Variants in CTNNA3 observed in about 807,000 individuals in gnomAD.
CTNNA3 encodes catenin alpha-3.
In CTNNA3, 76 loss-of-function variants were observed where a neutral mutation model predicts 95.7. That is an observed-to-expected ratio of 0.79 (90% CI 0.66 to 0.96). The LOEUF is 0.96. Ranked by LOEUF, CTNNA3 falls within the 40% of genes least tolerant of loss-of-function variation. The pLI, the probability that CTNNA3 is intolerant of heterozygous loss-of-function variation, is 0.00. For missense variants in CTNNA3, 1,191 were observed against 1,089.8 expected, an observed-to-expected ratio of 1.09 and a Z score of -1.31; for synonymous variants, 431 against 374.4, an observed-to-expected ratio of 1.15 and a Z score of -1.74.
At chr10:66,343,377 T>C (rs2092472640) in intron 12 of CTNNA3, among the ~76,000 whole-genome samples, 1 of 152,038 alleles carries the variant, frequency 6.6e-6, no homozygotes. Context: ...ATATACACAA[T>C]GGAATACTAT....
intron 10 of CTNNA3, among the ~76,000 whole-genome samples, chr10:66,582,191 T>C (rs992735816): frequency 1.3e-5 from 2 of 151,932 alleles, no homozygotes; most frequent in Non-Finnish European, 1.5e-5. Flanking sequence ...ATAGTGTTGG[T>C]AATTTGATAG....
intron 17 of CTNNA3, among the ~76,000 whole-genome samples, chr10:65,947,605 T>C (rs1165343355): frequency 6.6e-6 from 1 of 152,156 alleles, no homozygotes; most frequent in Non-Finnish European, 1.5e-5. Context: ...TTAGTGAGAT[T>C]CCAGAAAGTA....
Position 66,595,182 on chromosome 10 carries a change from G to A in CTNNA3, c.1374+26510C>T, listed in dbSNP as rs188636666. ...AACGACAACAACAACCAAAATCCAA[G>A]AATAGACGCATTAAAAAGCACAAGA... On this transcript the variant is annotated intron_variant, in intron 10 of 17. Coordinates refer to ENST00000433211, the MANE Select transcript of CTNNA3 (RefSeq NM_013266.4). 3.4e-3 allele frequency among the ~76,000 whole-genome samples: 509 copies of A among 151,902 alleles called. 6 individuals are homozygous for A. Among genetic ancestry groups the A allele is most frequent in the African/African-American group, 0.012 (498 of 41,410 alleles).
intron 5 of CTNNA3, among the ~76,000 whole-genome samples, chr10:67,268,802 A>G (rs899194663): frequency 1.3e-5 from 2 of 152,232 alleles, no homozygotes; most frequent in African/African-American, 2.4e-5. Context: ...TATGCAAATG[A>G]CATTGCCCTA....
At chr10:67,082,794 G>T (rs1421756413) in intron 7 of CTNNA3, among the ~76,000 whole-genome samples, 2 of 152,218 alleles carry the variant, frequency 1.3e-5, no homozygotes, top group Non-Finnish European at 2.9e-5. Context: ...CTAAGGATTA[G>T]ATATCAGTCA....
chr10:66,358,001 T>C (rs2092624302), intron 12 of CTNNA3, among the ~76,000 whole-genome samples: 1 of 152,208 alleles, frequency 6.6e-6, no homozygotes, highest in African/African-American at 2.4e-5. Flanking sequence ...AAGCACTTGG[T>C]TCATTTCATC....
intron 7 of CTNNA3, among the ~76,000 whole-genome samples, chr10:67,033,769 G>A (rs906974282): frequency 1.3e-5 from 2 of 151,938 alleles, no homozygotes; most frequent in African/African-American, 2.4e-5. Flanking sequence ...TTACTGTATA[G>A]TGTTTCTTTT....
chr10:65,991,533 G>A (rs755478606), intron 15 of CTNNA3, among the ~76,000 whole-genome samples: 16 of 151,500 alleles, frequency 1.1e-4, no homozygotes, highest in Admixed American at 6.6e-4. Context: ...AAATGGGATT[G>A]CCTCTTGATT....
chr10:66,865,989 C>T (rs1844159698), intron 7 of CTNNA3, among the ~76,000 whole-genome samples: 1 of 152,060 alleles, frequency 6.6e-6, no homozygotes. Flanking sequence ...TATCTATACT[C>T]TTAATTGCCT....
intron 3 of CTNNA3, among the ~76,000 whole-genome samples, chr10:67,556,950 C>T (rs892511296): frequency 6.6e-6 from 1 of 152,160 alleles, no homozygotes; most frequent in Non-Finnish European, 1.5e-5. Context: ...TTCTGGTATG[C>T]TGTGTCTTTG....
chr10:67,112,377 T>C (rs956021483), intron 7 of CTNNA3, among the ~76,000 whole-genome samples: 2 of 152,152 alleles, frequency 1.3e-5, no homozygotes, highest in Admixed American at 1.3e-4. Flanking sequence ...GTGGAATTTA[T>C]CCATATCTTA....
chr10:66,632,561 A>G (rs1320151777), intron 9 of CTNNA3, among the ~76,000 whole-genome samples: 1 of 111,670 alleles, frequency 9.0e-6, no homozygotes, highest in East Asian at 2.1e-4. Flanking sequence ...ATCTCAAAAA[A>G]AAAAAAAAAA....
intron 9 of CTNNA3, among the ~76,000 whole-genome samples, chr10:66,739,974 C>T (rs990315511): frequency 3.9e-5 from 6 of 152,132 alleles, no homozygotes; most frequent in South Asian, 2.1e-4. Flanking sequence ...ACATTAAGCA[C>T]GTGCAAGATA....
intron 9 of CTNNA3, among the ~76,000 whole-genome samples, chr10:66,689,082 G>C (rs1188192797): frequency 7.4e-6 from 1 of 135,554 alleles, no homozygotes; most frequent in Non-Finnish European, 1.6e-5. Context: ...GTGTGTGTAT[G>C]TGTGCACGTG....
chr10:66,021,859 T>A (rs1407722435), intron 15 of CTNNA3, among the ~76,000 whole-genome samples: 1 of 135,458 alleles, frequency 7.4e-6, no homozygotes, highest in Non-Finnish European at 1.6e-5. Flanking sequence ...TGGCTTTTTT[T>A]TTTTTTTTTA....
At chr10:66,844,341 T>G (rs1843175377) in intron 7 of CTNNA3, among the ~76,000 whole-genome samples, 1 of 152,206 alleles carries the variant, frequency 6.6e-6, no homozygotes, top group South Asian at 2.1e-4. Context: ...TGTATCCTTT[T>G]CATGTTTCTG....
At chr10:67,052,840 CA>C (rs1855196298) in intron 7 of CTNNA3, 1 of 151,722 alleles carries the variant, frequency 6.6e-6, no homozygotes, top group African/African-American at 2.4e-5. Flanking sequence ...AAACAAAAAA[CA>C]AAAAATAAAT....
At chr10:67,483,498 T>C (rs1202131175) in intron 5 of CTNNA3, among the ~76,000 whole-genome samples, 2 of 151,280 alleles carry the variant, frequency 1.3e-5, no homozygotes, top group African/African-American at 4.9e-5. Flanking sequence ...ATCATCATTC[T>C]CAGTAAACTA....
At chr10:66,792,759 C>T (rs1481546548) in intron 7 of CTNNA3, among the ~76,000 whole-genome samples, 2 of 152,088 alleles carry the variant, frequency 1.3e-5, no homozygotes, top group Non-Finnish European at 2.9e-5. Flanking sequence ...TAGGCAAAAT[C>T]AGAGATGATA....
Sources: allele counts gnomAD v4.1 joint callset (sites outside exome capture counted in the v4.1 genomes callset), GRCh38; gene constraint gnomAD v4.1.1; transcripts MANE v1.5; gene names NCBI Gene and HGNC (gene_info 2026-07-23, HGNC 2026-07-21).